ZNF512: variants seen among roughly 807,000 people sequenced by gnomAD.
The protein encoded by ZNF512 is zinc finger protein 512.
A neutral mutation model predicts 77.5 loss-of-function variants in ZNF512; 25 were observed. That is an observed-to-expected ratio of 0.32 (90% CI 0.23 to 0.45). The LOEUF (loss-of-function observed/expected upper bound fraction) is 0.45, where lower values mean the gene tolerates loss of function less well. Among genes scored for constraint, ZNF512 ranks in the 20% least tolerant of loss-of-function variants. The pLI, the probability that ZNF512 is intolerant of heterozygous loss-of-function variation, is 1.00. For synonymous variants in ZNF512, 246 were observed against 239.9 expected (o/e 1.03, Z -0.24); for missense variants, 483 against 692.6 (o/e 0.70, Z 3.40).
chr2:27,617,347 A>AT, intron 12 of ZNF512, 126 bp from the exon 13 acceptor site: 1 of 631,554 alleles, frequency 1.6e-6, no homozygotes, highest in Non-Finnish European at 2.9e-6. Flanking sequence ...ACTATATTGG[A>AT]TCTTTTTCCT....
At chr2:27,616,404 C>A in intron 12 of ZNF512, 80 bp downstream of exon 12, 1 of 1,108,002 alleles carries the variant, frequency 9.0e-7, no homozygotes, top group Non-Finnish European at 1.4e-6. Flanking sequence ...TTTAGGTGAA[C>A]AGCTAGTTGT....
chr2:27,598,628 CAAAA>C (rs761293599), intron 3 of ZNF512, among the ~76,000 whole-genome samples: 69 of 73,628 alleles, frequency 9.4e-4, no homozygotes, highest in Admixed American at 5.1e-3. Flanking sequence ...GACTCCGTCT[CAAAA>C]AAAAAAAAAA....
chr2:27,616,240 T>C (rs6737921), intron 11 of ZNF512, 22 bp from the exon 12 acceptor site: 830,673 of 1,600,578 alleles, frequency 0.52, 221,278 homozygotes, highest in East Asian at 0.86. Flanking sequence ...ATAGTCTTCA[T>C]ACTATTTCTT....
At chr2:27,587,397 C>T (rs1671383125) in intron 2 of ZNF512, among the ~76,000 whole-genome samples, 3 of 151,554 alleles carry the variant, frequency 2.0e-5, no homozygotes, top group Admixed American at 2.0e-4. Flanking sequence ...CTGCCTTAGC[C>T]TCCTGAGTAG....
At chr2:27,617,922 T>G in intron 13 of ZNF512, among the ~76,000 whole-genome samples, 1 of 112,686 alleles carries the variant, frequency 8.9e-6, no homozygotes. Flanking sequence ...AAAAAAAAAA[T>G]CACTGTGACT....
chr2:27,589,761 G>T (rs1671490423), intron 2 of ZNF512, among the ~76,000 whole-genome samples: 1 of 152,064 alleles, frequency 6.6e-6, no homozygotes, highest in Non-Finnish European at 1.5e-5. Flanking sequence ...TTGTTTTTCA[G>T]TGCAAAATAT....
chr2:27,614,648 A>G (rs1389824808), intron 10 of ZNF512, among the ~76,000 whole-genome samples: 1 of 150,834 alleles, frequency 6.6e-6, no homozygotes, highest in Non-Finnish European at 1.5e-5. Context: ...ACTGCACTCC[A>G]GCCTGGGCGA....
intron 4 of ZNF512, 35 bp from the exon 5 acceptor site, chr2:27,599,935 G>C: frequency 6.2e-7 from 1 of 1,610,700 alleles, no homozygotes; most frequent in Non-Finnish European, 8.5e-7. Context: ...TAGCAAGGGT[G>C]ACATGCTGGG....
At chr2:27,597,398 G>A (rs1671919422) in intron 2 of ZNF512, among the ~76,000 whole-genome samples, 1 of 152,164 alleles carries the variant, frequency 6.6e-6, no homozygotes. Context: ...GCTGCATCTT[G>A]AGCCACCTAG....
chr2:27,601,584 G>A (rs190279364), intron 7 of ZNF512, 142 bp downstream of exon 7: 8 of 670,660 alleles, frequency 1.2e-5, no homozygotes, highest in Admixed American at 2.6e-5. Context: ...AGCGATTCTC[G>A]TGTCTCAGCC....
chr2:27,613,714 A>AT (rs1672761391), intron 10 of ZNF512, among the ~76,000 whole-genome samples: 1 of 152,054 alleles, frequency 6.6e-6, no homozygotes, highest in Non-Finnish European at 1.5e-5. Context: ...AAATCCACAT[A>AT]TAAGTGGACC....
chr2:27,583,439 G>A, intron 1 of ZNF512: 1 of 1,446,492 alleles, frequency 6.9e-7, no homozygotes, highest in Non-Finnish European at 9.0e-7. Context: ...CTGGGACAGG[G>A]CTTTGAGAAT....
Position 27,616,327 on chromosome 2 carries a change from T to A in ZNF512, c.1296+3T>A, listed in dbSNP as rs755043184. 6.2e-7 allele frequency: 1 copy of A among 1,612,074 alleles called. No homozygotes were observed. The highest frequency in any genetic ancestry group is 8.5e-7 in the Non-Finnish European group (1 of 1,178,236). ...CTCACCTGGGCTCTTGTACATTGGT[T>A]TGTAACTTTTTAAACTTACTATCTT... On this transcript the variant is annotated splice_donor_region_variant and intron_variant, in intron 12 of 13. Coordinates refer to ENST00000355467, the MANE Select transcript of ZNF512 (RefSeq NM_032434.4).
intron 10 of ZNF512, among the ~76,000 whole-genome samples, chr2:27,610,722 G>A (rs1339150453): frequency 2.0e-5 from 3 of 149,204 alleles, no homozygotes; most frequent in Non-Finnish European, 3.0e-5. Flanking sequence ...CTGGGATTAC[G>A]GGCACATACA....
At chr2:27,606,366 CT>C (rs899997829) in intron 9 of ZNF512, among the ~76,000 whole-genome samples, 30 of 145,024 alleles carry the variant, frequency 2.1e-4, no homozygotes, top group Non-Finnish European at 2.9e-4. Flanking sequence ...AATTTTCTTT[CT>C]TTTTTTTTTT....
chr2:27,596,027 TC>T (rs1671854090), intron 2 of ZNF512, among the ~76,000 whole-genome samples: 1 of 150,406 alleles, frequency 6.6e-6, no homozygotes, highest in South Asian at 2.1e-4. Flanking sequence ...TTATAATTCT[TC>T]TGGGGAATGT....
intron 9 of ZNF512, among the ~76,000 whole-genome samples, chr2:27,606,013 G>A (rs143225884): frequency 0.01 from 1,580 of 152,238 alleles, 24 homozygotes; most frequent in African/African-American, 0.036. Context: ...TAATAGGTAC[G>A]TAGTAGTACT....
At chr2:27,600,423 A>G (rs1672067877) in intron 5 of ZNF512, among the ~76,000 whole-genome samples, 1 of 152,176 alleles carries the variant, frequency 6.6e-6, no homozygotes, top group Non-Finnish European at 1.5e-5. Flanking sequence ...GTGGTGAAAA[A>G]TGTTGCTGCC....
At chr2:27,610,544 G>GTATA (rs1247718248) in intron 10 of ZNF512, among the ~76,000 whole-genome samples, 852 of 32,648 alleles carry the variant, frequency 0.026, 26 homozygotes, top group East Asian at 0.075. Flanking sequence ...ATATGTGTGT[G>GTATA]TATATATATA....
Sources: allele counts gnomAD v4.1 joint callset (sites outside exome capture counted in the v4.1 genomes callset), GRCh38; gene constraint gnomAD v4.1.1; transcripts MANE v1.5; gene names NCBI Gene and HGNC (gene_info 2026-07-23, HGNC 2026-07-21).